PCDH9: variants seen among roughly 807,000 people sequenced by gnomAD.
PCDH9 encodes the protein protocadherin-9.
A neutral mutation model predicts 70.6 loss-of-function variants in PCDH9; 24 were observed. That is an observed-to-expected ratio of 0.34 (90% confidence interval 0.25 to 0.48). PCDH9 has a LOEUF of 0.48. Ranked by LOEUF, PCDH9 falls within the 20% of genes least tolerant of loss-of-function variation. PCDH9 has a pLI of 0.99. For missense variants in PCDH9, 1,281 were observed against 1,503.6 expected (o/e 0.85, Z 2.45); for synonymous variants, 562 against 558.5 (o/e 1.01, Z -0.09).
intron 4 of PCDH9, among the ~76,000 whole-genome samples, chr13:66,507,080 A>G (rs147077742): frequency 9.4e-4 from 143 of 152,192 alleles, no homozygotes; most frequent in African/African-American, 3.2e-3. Context: ...CTATACCAAT[A>G]CTCTGTTCTG....
chr13:67,146,136 A>G (rs2087518000), intron 2 of PCDH9, among the ~76,000 whole-genome samples: 1 of 152,170 alleles, frequency 6.6e-6, no homozygotes, highest in South Asian at 2.1e-4. Context: ...ATAAAATGAC[A>G]TTGAAATGTC....
intron 3 of PCDH9, among the ~76,000 whole-genome samples, chr13:66,809,807 A>G (rs2139358371): frequency 6.6e-6 from 1 of 152,278 alleles, no homozygotes; most frequent in East Asian, 1.9e-4. Context: ...CTTAATGAAT[A>G]TTTATTGAAG....
intron 4 of PCDH9, among the ~76,000 whole-genome samples, chr13:66,439,959 C>A (rs1238900497): frequency 6.6e-6 from 1 of 152,098 alleles, no homozygotes; most frequent in Admixed American, 6.5e-5. Context: ...ATCCATACTG[C>A]GCCCTTAATT....
At chr13:66,456,146 A>T in intron 4 of PCDH9, among the ~76,000 whole-genome samples, 1 of 152,182 alleles carries the variant, frequency 6.6e-6, no homozygotes, top group East Asian at 1.9e-4. Flanking sequence ...TCTGATGGTT[A>T]TGCATTAGAA....
intron 3 of PCDH9, among the ~76,000 whole-genome samples, chr13:66,817,010 A>AC (rs2080619209): frequency 1.3e-5 from 2 of 151,484 alleles, no homozygotes; most frequent in South Asian, 4.2e-4. Context: ...AAAAAAAAAA[A>AC]CACCATTAAA....
rs572489635 is a variant in PCDH9 at position 66,733,276 on chromosome 13, G to T, written c.3139-101865C>A. On this transcript the variant is annotated intron_variant, in intron 3 of 4. Coordinates refer to ENST00000377865, the MANE Select transcript of PCDH9 (RefSeq NM_203487.3). ...GTCCCTTTAACCATGACATCAATAG[G>T]ATAGAAACTTAGAACTCCTCCTTAC... Among the ~76,000 whole-genome samples, 9 of 152,114 alleles carry T rather than the reference G, an allele frequency of 5.9e-5. No homozygotes were observed. In the South Asian group the frequency reaches 1.9e-3, roughly 32 times the overall value.
intron 3 of PCDH9, among the ~76,000 whole-genome samples, chr13:66,644,403 C>T (rs111564698): frequency 0.01 from 1,547 of 151,730 alleles, 31 homozygotes; most frequent in African/African-American, 0.035. Flanking sequence ...GTACTTTGGG[C>T]ACAATTTTTC....
intron 4 of PCDH9, among the ~76,000 whole-genome samples, chr13:66,320,672 G>T (rs751767868): frequency 7.9e-5 from 12 of 151,758 alleles, no homozygotes; most frequent in Non-Finnish European, 1.2e-4. Flanking sequence ...ATTACTTGGG[G>T]TATGTATCTT....
Position 67,071,332 on chromosome 13 carries a change from T to C in PCDH9, c.3036+154073A>G, listed in dbSNP as rs548956552. ...AAACTCACTAAATATAAAAAGCCAATTGATATCACTATGTAATATAATTTT... is the reference window on the plus strand; with the variant it reads ...AAACTCACTAAATATAAAAAGCCAACTGATATCACTATGTAATATAATTTT... On this transcript the variant is annotated intron_variant, in intron 2 of 4. Coordinates refer to ENST00000377865, the MANE Select transcript of PCDH9 (RefSeq NM_203487.3). Among the ~76,000 whole-genome samples, 258 of 152,272 alleles carry C rather than the reference T, an allele frequency of 1.7e-3. 1 individual carries two copies. Among genetic ancestry groups the C allele is most frequent in the Non-Finnish European group, 2.6e-3 (179 of 68,014 alleles).
At chr13:67,054,157 A>G (rs987322878) in intron 2 of PCDH9, among the ~76,000 whole-genome samples, 3 of 152,214 alleles carry the variant, frequency 2.0e-5, no homozygotes, top group Admixed American at 1.3e-4. Context: ...CTGACCATGC[A>G]TTTAGAATAA....
At chr13:66,540,485 C>T (rs1960907705) in intron 4 of PCDH9, among the ~76,000 whole-genome samples, 2 of 152,070 alleles carry the variant, frequency 1.3e-5, no homozygotes, top group Admixed American at 6.6e-5. Context: ...GCTTTTTTTA[C>T]ATAGCAACTA....
At chr13:66,890,561 A>G (rs1002701275) in intron 3 of PCDH9, among the ~76,000 whole-genome samples, 18 of 149,100 alleles carry the variant, frequency 1.2e-4, no homozygotes, top group African/African-American at 4.5e-4. Flanking sequence ...ACAAATGAGG[A>G]TGGTCTTTCT....
intron 3 of PCDH9, among the ~76,000 whole-genome samples, chr13:66,665,459 A>C (rs6562466): frequency 0.57 from 86,454 of 151,970 alleles, 24,915 homozygotes; most frequent in African/African-American, 0.65. Flanking sequence ...GTTTTCCCTT[A>C]CTGTTTTCTT....
intron 4 of PCDH9, among the ~76,000 whole-genome samples, chr13:66,485,703 A>G (rs899409828): frequency 6.6e-6 from 1 of 151,594 alleles, no homozygotes; most frequent in Non-Finnish European, 1.5e-5. Flanking sequence ...CTTCAACCCT[A>G]TTATTTCATT....
intron 2 of PCDH9, among the ~76,000 whole-genome samples, chr13:67,138,253 G>A (rs2087284412): frequency 6.6e-6 from 1 of 152,160 alleles, no homozygotes; most frequent in Non-Finnish European, 1.5e-5. Flanking sequence ...AGTGTTGTGA[G>A]AACCAAACAG....
At chr13:66,867,336 T>C (rs1056814139) in intron 3 of PCDH9, among the ~76,000 whole-genome samples, 16 of 152,138 alleles carry the variant, frequency 1.1e-4, no homozygotes, top group Non-Finnish European at 1.9e-4. Flanking sequence ...TTTGTCTCAA[T>C]AAGAGAGACT....
chr13:66,842,246 G>A (rs2081128651), intron 3 of PCDH9, among the ~76,000 whole-genome samples: 1 of 151,780 alleles, frequency 6.6e-6, no homozygotes, highest in African/African-American at 2.4e-5. Flanking sequence ...TATGTCTGAG[G>A]GCAACATCTG....
intron 2 of PCDH9, among the ~76,000 whole-genome samples, chr13:66,945,604 C>A (rs1205728462): frequency 6.6e-6 from 1 of 151,940 alleles, no homozygotes; most frequent in Non-Finnish European, 1.5e-5. Context: ...TCTATGTAGT[C>A]CCTTGAAACA....
chr13:66,834,771 C>CTAATATT (rs1365878808), intron 3 of PCDH9, among the ~76,000 whole-genome samples: 2 of 152,172 alleles, frequency 1.3e-5, no homozygotes, highest in Non-Finnish European at 2.9e-5. Context: ...TCAAATGCCA[C>CTAATATT]TAATATTTAA....
Sources: gnomAD v4.1 joint callset for allele counts (sites outside exome capture counted in the v4.1 genomes callset) on GRCh38, gnomAD v4.1.1 for gene constraint, MANE v1.5 for transcripts, NCBI Gene and HGNC (gene_info 2026-07-23, HGNC 2026-07-21) for gene names.